The following RELN variants were observed in gnomAD, a reference collection of about 807,000 sequenced individuals.
The protein encoded by RELN is reelin.
A neutral mutation model predicts 427.6 loss-of-function variants in RELN; 108 were observed. The observed-to-expected ratio is 0.25, with a 90% CI of 0.22 to 0.30. RELN has a LOEUF of 0.30. Ranked by LOEUF, RELN falls within the 10% of genes least tolerant of loss-of-function variation. The pLI, the probability that RELN is intolerant of heterozygous loss-of-function variation, is 1.00. For synonymous variants in RELN, 1,524 were observed against 1,513.4 expected, an observed-to-expected ratio of 1.01 and a Z score of -0.16; for missense variants, 3,715 against 4,302.8, an observed-to-expected ratio of 0.86 and a Z score of 3.82.
In RELN at chr7:103,640,454, CTAAAAAAGGTTAT is replaced by C. The variant is rs1284661842; in HGVS notation, c.2069+76_2069+88del. 1.5e-6 allele frequency: 2 copies of C among 1,329,124 alleles called. No homozygotes were observed. Among genetic ancestry groups the C allele is most frequent in the Non-Finnish European group, 2.2e-6 (2 of 925,678 alleles). 82.3% of individuals were successfully genotyped at this position (1,329,124 alleles called of 1,614,324 possible). A position where few individuals can be genotyped will look rare whatever the true frequency, so the allele number is the denominator to read the frequency against. On this transcript the variant is annotated intron_variant, in intron 17 of 64. Transcript: ENST00000428762. The surrounding 1 kb of genome is among the most constrained non-coding windows in gnomAD (Gnocchi z 4.1). The stretch of plus-strand genomic sequence containing the variant: ...TTTTGTCTTAAAAAGATCCCCGATC[CTAAAAAAGGTTAT>C]TAAATGACTTGCGACTTCAACACAT...
intron 2 of RELN, among the ~76,000 whole-genome samples, chr7:103,835,954 C>T (rs1354019497): frequency 1.1e-4 from 16 of 142,392 alleles, no homozygotes; most frequent in African/African-American, 2.3e-4. Context: ...CTCAATTACC[C>T]TTTTTTTTTT....
At chr7:103,475,253 T>A (rs1214651134) in intron 64 of RELN, among the ~76,000 whole-genome samples, 1 of 152,128 alleles carries the variant, frequency 6.6e-6, no homozygotes, top group African/African-American at 2.4e-5. Context: ...TAGTGCTCAT[T>A]TCCTGCTTTG....
At chr7:103,787,869 G>A (rs892125336) in intron 3 of RELN, among the ~76,000 whole-genome samples, 1 of 152,104 alleles carries the variant, frequency 6.6e-6, no homozygotes. Context: ...AAACCTGGCA[G>A]AGACACAACA....
At chr7:103,681,586 CAAGAA>C (rs940427939) in intron 11 of RELN, among the ~76,000 whole-genome samples, 2 of 152,058 alleles carry the variant, frequency 1.3e-5, no homozygotes, top group Non-Finnish European at 2.9e-5. Context: ...CTCAGAACAG[CAAGAA>C]AACACTACCA....
chr7:103,900,170 A>C (rs1003326606), intron 2 of RELN, among the ~76,000 whole-genome samples: 1 of 152,192 alleles, frequency 6.6e-6, no homozygotes, highest in Admixed American at 6.6e-5. Flanking sequence ...ACAGAAAGCC[A>C]AACCATGAGT....
At chr7:103,921,725 T>C (rs1347561952) in intron 1 of RELN, among the ~76,000 whole-genome samples, 4 of 152,218 alleles carry the variant, frequency 2.6e-5, no homozygotes, top group Non-Finnish European at 5.9e-5. Context: ...TGGCCATAAC[T>C]AGTCCCTCCA....
chr7:103,666,275 T>C (rs997268161), intron 11 of RELN, among the ~76,000 whole-genome samples: 2 of 152,046 alleles, frequency 1.3e-5, no homozygotes, highest in Non-Finnish European at 2.9e-5. Flanking sequence ...TTTTGTCACG[T>C]TGCCCAGGCT....
chr7:103,741,235 C>G (rs1384097838), intron 6 of RELN, among the ~76,000 whole-genome samples: 1 of 152,132 alleles, frequency 6.6e-6, no homozygotes, highest in African/African-American at 2.4e-5. Flanking sequence ...ATGGGGATAT[C>G]TGATTTCACT....
At chr7:103,676,153 A>C (rs1444058539) in intron 11 of RELN, among the ~76,000 whole-genome samples, 35 of 152,206 alleles carry the variant, frequency 2.3e-4, no homozygotes, top group Admixed American at 2.3e-3. Context: ...ACAAATGGCT[A>C]ATATCCAGAA....
chr7:103,586,361 T>C (rs1022909688), intron 28 of RELN, among the ~76,000 whole-genome samples: 1 of 151,096 alleles, frequency 6.6e-6, no homozygotes, highest in African/African-American at 2.4e-5. Context: ...AGACTCCATC[T>C]CAAAAAAATA....
intron 4 of RELN, among the ~76,000 whole-genome samples, chr7:103,775,579 C>T (rs1270768661): frequency 6.6e-6 from 1 of 152,028 alleles, no homozygotes; most frequent in Non-Finnish European, 1.5e-5. Flanking sequence ...CCTTTAAATT[C>T]AGTAATATAA....
chr7:103,898,622 T>C (rs1332928383), intron 2 of RELN, among the ~76,000 whole-genome samples: 1 of 151,718 alleles, frequency 6.6e-6, no homozygotes, highest in Non-Finnish European at 1.5e-5. Context: ...TAAACATCTT[T>C]GCCAAAGTTA....
intron 2 of RELN, among the ~76,000 whole-genome samples, chr7:103,865,567 T>C (rs1208214695): frequency 1.3e-5 from 2 of 152,194 alleles, no homozygotes; most frequent in African/African-American, 4.8e-5. Context: ...AAGTGGGATT[T>C]ATTTTGGGGT....
chr7:103,672,893 T>C (rs1003771302), intron 11 of RELN, among the ~76,000 whole-genome samples: 2 of 152,160 alleles, frequency 1.3e-5, no homozygotes, highest in Non-Finnish European at 2.9e-5. Flanking sequence ...GCATGAAATA[T>C]CCCTTTTTGG....
chr7:103,604,204 A>G, intron 23 of RELN, 142 bp downstream of exon 23: 4 of 933,662 alleles, frequency 4.3e-6, no homozygotes, highest in Non-Finnish European at 6.8e-6. Flanking sequence ...TCTAAAATAC[A>G]AACAGAAAGG....
chr7:103,963,776 G>A (rs1796609158), intron 1 of RELN, among the ~76,000 whole-genome samples: 1 of 152,140 alleles, frequency 6.6e-6, no homozygotes, highest in African/African-American at 2.4e-5. Context: ...TCCCTTTTCA[G>A]ATGAGGAAAA....
chr7:103,869,062 G>A (rs1162227361), intron 2 of RELN, among the ~76,000 whole-genome samples: 1 of 152,038 alleles, frequency 6.6e-6, no homozygotes, highest in South Asian at 2.1e-4. Flanking sequence ...TTGGGTTTAA[G>A]TTCAATGCTT....
At chr7:103,643,473 T>C (rs1249526395) in intron 16 of RELN, among the ~76,000 whole-genome samples, 1 of 152,170 alleles carries the variant, frequency 6.6e-6, no homozygotes, top group East Asian at 1.9e-4. Context: ...CCTAAGAAAC[T>C]GAATTTGTCA....
intron 2 of RELN, among the ~76,000 whole-genome samples, chr7:103,872,634 G>A (rs1424185075): frequency 2.8e-5 from 4 of 141,536 alleles, no homozygotes; most frequent in African/African-American, 5.0e-5. Context: ...CTGAGGAATC[G>A]CCACACTGAC....
Sources: allele counts gnomAD v4.1 joint callset (sites outside exome capture counted in the v4.1 genomes callset), GRCh38; gene constraint gnomAD v4.1.1; non-coding constraint Gnocchi (gnomAD v3.1); transcripts MANE v1.5; gene names NCBI Gene and HGNC (gene_info 2026-07-23, HGNC 2026-07-21).